Variants in DDX10 observed in about 807,000 individuals in gnomAD.
DDX10 encodes DEAD-box helicase 10.
In DDX10, 74 loss-of-function variants were observed where a neutral mutation model predicts 104.3. That is an observed-to-expected ratio of 0.71 (90% CI 0.59 to 0.86). The LOEUF is 0.86. DDX10 is among the 40% of genes least tolerant of loss of function. The probability of loss-of-function intolerance (pLI) is 0.00; values close to 1 mark genes in which losing one functional copy is unlikely to be tolerated. For missense variants in DDX10, 952 were observed against 1,040.0 expected (o/e 0.92, Z 1.16); for synonymous variants, 351 against 353.4 (o/e 0.99, Z 0.08).
At chr11:108,840,283 C>T (rs970519684) in intron 14 of DDX10, among the ~76,000 whole-genome samples, 1 of 152,150 alleles carries the variant, frequency 6.6e-6, no homozygotes, top group Non-Finnish European at 1.5e-5. Flanking sequence ...GTTATGGTGG[C>T]CACAGAGTGA....
chr11:108,927,628 C>T (rs893432697), intron 17 of DDX10, among the ~76,000 whole-genome samples: 2 of 137,890 alleles, frequency 1.5e-5, no homozygotes, highest in African/African-American at 5.3e-5. Flanking sequence ...TCAGACAGCA[C>T]TTGGAACTTT....
Position 108,831,122 on chromosome 11 carries a change from C to T in DDX10, c.1966-7324C>T, listed in dbSNP as rs944958577. The stretch of plus-strand genomic sequence containing the variant: ...TATCAATCTTAAGAAATACTCTTAT[C>T]GGGCTGGGCATGGTGGCTTACGCCT... On this transcript the variant is annotated intron_variant, in intron 13 of 17. Coordinates refer to ENST00000322536, the MANE Select transcript of DDX10 (RefSeq NM_004398.4). Among the ~76,000 whole-genome samples, 8 of 152,136 alleles carry T rather than the reference C, an allele frequency of 5.3e-5. 1 individual carries two copies. The highest frequency in any genetic ancestry group is 2.1e-4 in the South Asian group (1 of 4,816).
chr11:108,909,908 C>T (rs2134656439), intron 16 of DDX10, among the ~76,000 whole-genome samples: 1 of 152,266 alleles, frequency 6.6e-6, no homozygotes, highest in African/African-American at 2.4e-5. Flanking sequence ...AGAGGCTTGA[C>T]TAGTGCCGGT....
At chr11:108,774,474 G>T (rs2094367263) in intron 13 of DDX10, among the ~76,000 whole-genome samples, 1 of 152,092 alleles carries the variant, frequency 6.6e-6, no homozygotes. Flanking sequence ...GCAGAGTTGG[G>T]TATACTCAAT....
intron 13 of DDX10, among the ~76,000 whole-genome samples, chr11:108,801,109 A>G (rs1862014838): frequency 6.6e-6 from 1 of 152,216 alleles, no homozygotes. Flanking sequence ...CCCTGTAGTT[A>G]GAATGTGTGC....
At position 108,691,910 on chromosome 11, in the gene DDX10, G is replaced by C. The variant is rs762755684; in HGVS notation, c.1010G>C (p.Arg337Pro). Reference protein sequence around the residue: ...QYLYRVFCRLRPGVSILALHG... With the variant: ...QYLYRVFCRLPPGVSILALHG... ...CTGTACCGAGTGTTTTGCCGGCTACGTCCTGGTGTTTCTATCCTTGCACTC... is the reference window on the plus strand; with the variant it reads ...CTGTACCGAGTGTTTTGCCGGCTACCTCCTGGTGTTTCTATCCTTGCACTC... The change falls in exon 8 of 18, where the codon CGT becomes CCT. Residue 337 changes from arginine (R) to proline (P), a missense_variant. Transcript: ENST00000322536. 1.2e-6 allele frequency: 2 copies of C among 1,613,958 alleles called. No homozygotes were observed. The highest frequency in any genetic ancestry group is 1.7e-6 in the Non-Finnish European group (2 of 1,179,990).
chr11:108,738,829 C>T (rs2094321433), intron 13 of DDX10, among the ~76,000 whole-genome samples: 1 of 152,134 alleles, frequency 6.6e-6, no homozygotes, highest in Non-Finnish European at 1.5e-5. Flanking sequence ...CTGGACAACT[C>T]ATGGCACAGC....
chr11:108,853,866 T>C (rs1862828948), intron 16 of DDX10, among the ~76,000 whole-genome samples: 1 of 152,190 alleles, frequency 6.6e-6, no homozygotes, highest in Non-Finnish European at 1.5e-5. Context: ...ATGTAACCAC[T>C]AAGCATCGGA....
intron 13 of DDX10, among the ~76,000 whole-genome samples, chr11:108,830,237 C>A (rs972072657): frequency 6.6e-6 from 1 of 152,174 alleles, no homozygotes; most frequent in Non-Finnish European, 1.5e-5. Flanking sequence ...TTTCTTTCAG[C>A]AGCAGTGTTT....
intron 17 of DDX10, 44 bp downstream of exon 17, chr11:108,918,062 A>G: frequency 6.3e-7 from 1 of 1,575,188 alleles, no homozygotes; most frequent in East Asian, 2.2e-5. Flanking sequence ...TAGTACTCTC[A>G]CATCAGTCTT....
chr11:108,756,646 G>T (rs1197168436), intron 13 of DDX10, among the ~76,000 whole-genome samples: 1 of 152,050 alleles, frequency 6.6e-6, no homozygotes, highest in African/African-American at 2.4e-5. Context: ...CTGAAAGTGT[G>T]CTAGAGCTGT....
intron 13 of DDX10, among the ~76,000 whole-genome samples, chr11:108,745,014 A>G (rs2094329595): frequency 6.6e-6 from 1 of 151,140 alleles, no homozygotes; most frequent in Non-Finnish European, 1.5e-5. Flanking sequence ...GGCTAATGAA[A>G]CAAGTGAAGG....
chr11:108,869,662 G>A (rs1311036028), intron 16 of DDX10, among the ~76,000 whole-genome samples: 1 of 151,876 alleles, frequency 6.6e-6, no homozygotes, highest in Non-Finnish European at 1.5e-5. Flanking sequence ...TTTTTGACAA[G>A]CAAAGTTTGA....
intron 17 of DDX10, among the ~76,000 whole-genome samples, chr11:108,925,037 C>A (rs1474246570): frequency 1.3e-5 from 2 of 152,136 alleles, no homozygotes; most frequent in East Asian, 3.9e-4. Context: ...AGTATATGCC[C>A]CCTTCCCATA....
chr11:108,912,356 A>T (rs1439065065), intron 16 of DDX10, among the ~76,000 whole-genome samples: 1 of 152,192 alleles, frequency 6.6e-6, no homozygotes, highest in Admixed American at 6.5e-5. Context: ...CCTGTAATCC[A>T]TAGAGTCTAG....
At chr11:108,732,844 G>T (rs1195131790) in intron 13 of DDX10, among the ~76,000 whole-genome samples, 1 of 152,172 alleles carries the variant, frequency 6.6e-6, no homozygotes, top group Non-Finnish European at 1.5e-5. Context: ...CAATTAAAAT[G>T]ATTAAATTAA....
In DDX10 at chr11:108,940,361, A is replaced by T; in HGVS notation, c.2566A>T (p.Thr856Ser). ...GTGGGACACTTTAGAGCCTTTGGAT[A>T]CCGGCCTGTCTTTAGCAGAGGATGA... is the stretch of plus-strand genomic sequence containing the variant. ...ARWDTLEPLDTGLSLAEDEEL... is the reference protein window; with the variant it reads ...ARWDTLEPLDSGLSLAEDEEL... Residue 856 changes from threonine (T) to serine (S), a missense_variant, in exon 18 of 18, where the codon ACC (threonine) becomes TCC (serine). Around this residue, in one of 3 missense-constraint regions of DDX10, gnomAD observed 533 missense variants for 534.1 expected, o/e 1.00. Coordinates refer to ENST00000322536, the MANE Select transcript of DDX10 (RefSeq NM_004398.4). 1.2e-6 allele frequency: 2 copies of T among 1,614,062 alleles called. No homozygotes were observed. Among genetic ancestry groups the T allele is most frequent in the Admixed American group, 3.3e-5 (2 of 60,012 alleles).
chr11:108,680,835 T>C (rs1342481361), intron 6 of DDX10, among the ~76,000 whole-genome samples: 3 of 152,208 alleles, frequency 2.0e-5, no homozygotes, highest in African/African-American at 4.8e-5. Flanking sequence ...TTAAAAAGCC[T>C]GAGACGAAGA....
At chr11:108,847,838 A>C (rs758950362) in intron 15 of DDX10, among the ~76,000 whole-genome samples, 1 of 152,200 alleles carries the variant, frequency 6.6e-6, no homozygotes, top group Non-Finnish European at 1.5e-5. Flanking sequence ...AGCTAGCATC[A>C]TTTTTACAGA....
Sources: gnomAD v4.1 joint callset for allele counts (sites outside exome capture counted in the v4.1 genomes callset) on GRCh38, gnomAD v4.1.1 for gene constraint, gnomAD v4.1.1 regional missense constraint, MANE v1.5 for transcripts, NCBI Gene and HGNC (gene_info 2026-07-23, HGNC 2026-07-21) for gene names.